SPDYE10: variants seen among roughly 807,000 people sequenced by gnomAD.
The protein encoded by SPDYE10 is speedy protein E10.
the SPDYE10 span, among the ~76,000 whole-genome samples, chr7:73,127,912 G>A: frequency 7.3e-6 from 1 of 136,454 alleles, no homozygotes; most frequent in Non-Finnish European, 1.6e-5. Flanking sequence ...GCAAAACAGA[G>A]ATATTCACCA....
At chr7:73,149,311 A>G in the SPDYE10 span, among the ~76,000 whole-genome samples, 3 of 112,730 alleles carry the variant, frequency 2.7e-5, no homozygotes, top group African/African-American at 1.0e-4. Flanking sequence ...GGCGGGGGAC[A>G]GAGTCTCGCT....
chr7:73,155,086 G>C, the SPDYE10 span: 2 of 143,966 alleles, frequency 1.4e-5, no homozygotes, highest in African/African-American at 5.3e-5. Flanking sequence ...TGTCCGGCCC[G>C]GCCCGGCCGC....
At chr7:73,123,182 G>A in the SPDYE10 span, among the ~76,000 whole-genome samples, 1 of 152,228 alleles carries the variant, frequency 6.6e-6, no homozygotes, top group Non-Finnish European at 1.5e-5. Context: ...TCCTGGCCCA[G>A]GTGAGACATT....
chr7:73,124,028 C>T, the SPDYE10 span, among the ~76,000 whole-genome samples: 59 of 150,316 alleles, frequency 3.9e-4, no homozygotes, highest in South Asian at 5.3e-3. Context: ...AGCAATCTTC[C>T]GGCCTCAGCC....
the SPDYE10 span, among the ~76,000 whole-genome samples, chr7:73,145,132 CTTTCTTTCTCTT>C: frequency 3.0e-5 from 4 of 134,084 alleles, no homozygotes; most frequent in Non-Finnish European, 6.3e-5. Context: ...TCTTTTCTTT[CTTTCTTTCTCTT>C]TTTCTTTCTT....
the SPDYE10 span, among the ~76,000 whole-genome samples, chr7:73,134,716 G>C: frequency 2.0e-5 from 3 of 151,692 alleles, no homozygotes; most frequent in African/African-American, 7.3e-5. Flanking sequence ...ACAAGAATTA[G>C]CCAGGCTTGG....
At chr7:73,138,049 G>C in the SPDYE10 span, among the ~76,000 whole-genome samples, 1 of 152,208 alleles carries the variant, frequency 6.6e-6, no homozygotes, top group African/African-American at 2.4e-5. Context: ...CCAGGTCTTC[G>C]GAGGCAGCAA....
At chr7:73,134,553 G>GAAAGAAAGAAAGAAAGAAAGAA in the SPDYE10 span, among the ~76,000 whole-genome samples, 2 of 152,024 alleles carry the variant, frequency 1.3e-5, no homozygotes, top group Non-Finnish European at 2.9e-5. Context: ...AAGAAAGAAA[G>GAAAGAAAGAAAGAAAGAAAGAA]AAAGAAAGAA....
At chr7:73,115,233 G>A in the SPDYE10 span, among the ~76,000 whole-genome samples, 1 of 152,248 alleles carries the variant, frequency 6.6e-6, no homozygotes, top group South Asian at 2.1e-4. Context: ...TGGTGCCTCT[G>A]AACTCCCTCT....
chr7:73,107,894 A>G, the SPDYE10 span, among the ~76,000 whole-genome samples: 7 of 80,558 alleles, frequency 8.7e-5, no homozygotes, highest in Admixed American at 1.3e-4. Flanking sequence ...ACACAAATGC[A>G]AAGTCAAGTG....
At chr7:73,150,907 A>AAAAAAAAT in the SPDYE10 span, among the ~76,000 whole-genome samples, 7 of 11,574 alleles carry the variant, frequency 6.0e-4, no homozygotes, top group Non-Finnish European at 8.4e-4. Context: ...AAAAAAAAAA[A>AAAAAAAAT]ATATATATAT....
the SPDYE10 span, among the ~76,000 whole-genome samples, chr7:73,113,643 C>G: frequency 1.3e-5 from 2 of 151,734 alleles, no homozygotes; most frequent in Non-Finnish European, 2.9e-5. Flanking sequence ...CCTGTAATCC[C>G]AGCGCTTTGG....
At chr7:73,134,523 A>AAATG in the SPDYE10 span, among the ~76,000 whole-genome samples, 1 of 5,058 alleles carries the variant, frequency 2.0e-4, no homozygotes, top group Non-Finnish European at 4.3e-4. Context: ...AGTATAATAA[A>AAATG]AAAGAAAGAA....
chr7:73,134,539 A>AAAGAAAGAAAGAAAGAAAGAAAGAAAG, the SPDYE10 span, among the ~76,000 whole-genome samples: 1 of 150,988 alleles, frequency 6.6e-6, no homozygotes, highest in Non-Finnish European at 1.5e-5. Context: ...AAGAAAGAAA[A>AAAGAAAGAAAGAAAGAAAGAAAGAAAG]AGAAAGAAAG....
chr7:73,112,852 GTTT>G, the SPDYE10 span, among the ~76,000 whole-genome samples: 1 of 48,648 alleles, frequency 2.1e-5, no homozygotes, highest in Non-Finnish European at 3.9e-5. Flanking sequence ...TTTGGCAGAG[GTTT>G]TCTGCCGAGT....
At chr7:73,114,200 A>G in the SPDYE10 span, among the ~76,000 whole-genome samples, 1 of 114,862 alleles carries the variant, frequency 8.7e-6, no homozygotes. Context: ...CAAAAGAAAG[A>G]AAAAGAAAAA....
chr7:73,130,356 T>G, the SPDYE10 span, among the ~76,000 whole-genome samples: 2 of 152,094 alleles, frequency 1.3e-5, no homozygotes, highest in Admixed American at 1.3e-4. Flanking sequence ...CAAAACATGG[T>G]TAACAGGATA....
the SPDYE10 span, among the ~76,000 whole-genome samples, chr7:73,115,325 C>T: frequency 6.6e-6 from 1 of 152,142 alleles, no homozygotes; most frequent in Non-Finnish European, 1.5e-5. Flanking sequence ...TTACTCCTTT[C>T]TTTCCCAACA....
At chr7:73,113,790 C>G in the SPDYE10 span, among the ~76,000 whole-genome samples, 2 of 151,948 alleles carry the variant, frequency 1.3e-5, no homozygotes, top group Non-Finnish European at 2.9e-5. Context: ...AATCCCAGCA[C>G]TTTGGGAGGC....
Sources: gnomAD v4.1 joint callset for allele counts (sites outside exome capture counted in the v4.1 genomes callset) on GRCh38, gnomAD v4.1.1 for gene constraint, MANE v1.5 for transcripts, NCBI Gene and HGNC (gene_info 2026-07-23, HGNC 2026-07-21) for gene names.